The following ETNK1 variants were observed in gnomAD, a reference collection of about 807,000 sequenced individuals.
The protein encoded by ETNK1 is putative protein product of Nbla10396.
In ETNK1, 8 loss-of-function variants were observed where a neutral mutation model predicts 45.1. That is an observed-to-expected ratio of 0.18 (90% CI 0.10 to 0.32). ETNK1 has a LOEUF of 0.32. Among genes scored for constraint, ETNK1 ranks in the 10% least tolerant of loss-of-function variants. The probability of loss-of-function intolerance (pLI) is 1.00; values close to 1 mark genes in which losing one functional copy is unlikely to be tolerated. For synonymous variants in ETNK1, 152 were observed against 151.9 expected, an observed-to-expected ratio of 1.00 and a Z score of -0.01; for missense variants, 302 against 430.6, an observed-to-expected ratio of 0.70 and a Z score of 2.64.
At chr12:22,663,953 T>G (rs1424647474) in intron 4 of ETNK1, among the ~76,000 whole-genome samples, 1 of 151,982 alleles carries the variant, frequency 6.6e-6, no homozygotes, top group Non-Finnish European at 1.5e-5. Context: ...TGTGATTACT[T>G]CAAACATAAG....
chr12:22,626,295 A>G (rs1278277640), intron 1 of ETNK1: 1 of 153,380 alleles, frequency 6.5e-6, no homozygotes, highest in Non-Finnish European at 1.5e-5. Flanking sequence ...CTGAGACTCT[A>G]GGAGTTTTCT....
intron 2 of ETNK1, among the ~76,000 whole-genome samples, chr12:22,653,987 C>T (rs1430907336): frequency 6.6e-6 from 1 of 152,108 alleles, no homozygotes; most frequent in Non-Finnish European, 1.5e-5. Flanking sequence ...ATTTGTGTTC[C>T]CTCAAAAACC....
intron 2 of ETNK1, among the ~76,000 whole-genome samples, chr12:22,653,308 A>G (rs1033161506): frequency 1.4e-4 from 21 of 151,976 alleles, no homozygotes; most frequent in African/African-American, 4.8e-4. Context: ...TTCCAACTTT[A>G]CTCTTCTTTT....
chr12:22,662,061 C>G lies in ETNK1; in HGVS notation c.700+856C>G, dbSNP rs866079631. ...ATAGGAAACTAGTTCCCCGCACCCC[C>G]CCCCCCTTTTTTTTTCCTTTTTTGA... On this transcript the variant is annotated intron_variant, in intron 4 of 7. Coordinates refer to ENST00000266517, the MANE Select transcript of ETNK1 (RefSeq NM_018638.5). 3.2e-3 allele frequency among the ~76,000 whole-genome samples: 470 copies of G among 147,858 alleles called. 11 individuals are homozygous for G. Among genetic ancestry groups the G allele is most frequent in the African/African-American group, 0.011 (446 of 39,384 alleles).
chr12:22,666,114 G>A (rs1170176482), intron 4 of ETNK1, among the ~76,000 whole-genome samples: 1 of 152,124 alleles, frequency 6.6e-6, no homozygotes, highest in Admixed American at 6.6e-5. Context: ...CTCTCACCAT[G>A]TCAGTTGACA....
intron 6 of ETNK1, 88 bp downstream of exon 6, chr12:22,673,748 TTTAAG>T: frequency 7.6e-7 from 1 of 1,307,540 alleles, no homozygotes; most frequent in South Asian, 1.5e-5. Flanking sequence ...AATTTCCTAT[TTTAAG>T]TTTTGTGAAT....
chr12:22,645,232 C>T (rs1198461773), intron 2 of ETNK1, among the ~76,000 whole-genome samples: 1 of 151,668 alleles, frequency 6.6e-6, no homozygotes, highest in East Asian at 1.9e-4. Context: ...TTAATAGATG[C>T]ATAGATTGGA....
At position 22,625,196 on chromosome 12, in the gene ETNK1, C is replaced by G. The variant is rs760173780; in HGVS notation, c.-235C>G. The G allele has an allele frequency of 2.5e-6, 4 of 1,609,006 alleles. No homozygotes were observed. The East Asian group carries it at 6.7e-5, about 27-fold the overall frequency. On this transcript the variant is annotated 5_prime_UTR_variant, in exon 1 of 8. Transcript: ENST00000266517. ...GCGGCCGCCCGCGGTCCAGCTCCGACAACAGGAATTTTCTCCGAGAGCGGG... is the reference window on the plus strand; with the variant it reads ...GCGGCCGCCCGCGGTCCAGCTCCGAGAACAGGAATTTTCTCCGAGAGCGGG...
chr12:22,654,457 G>A (rs1471760843), intron 2 of ETNK1, among the ~76,000 whole-genome samples: 1 of 152,172 alleles, frequency 6.6e-6, no homozygotes, highest in Non-Finnish European at 1.5e-5. Flanking sequence ...ATTAGTACAT[G>A]AGATTATTAA....
At chr12:22,630,232 C>G (rs1953557382) in intron 1 of ETNK1, among the ~76,000 whole-genome samples, 1 of 152,170 alleles carries the variant, frequency 6.6e-6, no homozygotes, top group Non-Finnish European at 1.5e-5. Flanking sequence ...AATTACGCAT[C>G]GCATGTTTTG....
intron 4 of ETNK1, among the ~76,000 whole-genome samples, chr12:22,667,999 A>G (rs966853896): frequency 3.3e-5 from 5 of 152,216 alleles, no homozygotes; most frequent in African/African-American, 1.2e-4. Context: ...TTGTAGTTTT[A>G]TCCATTAATC....
intron 1 of ETNK1, among the ~76,000 whole-genome samples, chr12:22,640,185 A>G (rs1953716742): frequency 6.6e-6 from 1 of 152,282 alleles, no homozygotes. Context: ...CAAATTGAGA[A>G]TCCATTATTA....
At chr12:22,664,546 T>G (rs1156814303) in intron 4 of ETNK1, among the ~76,000 whole-genome samples, 1 of 152,102 alleles carries the variant, frequency 6.6e-6, no homozygotes, top group Non-Finnish European at 1.5e-5. Flanking sequence ...TTGGAACTGG[T>G]AGACATCACA....
chr12:22,644,365 T>C, intron 2 of ETNK1: 3 of 1,430,684 alleles, frequency 2.1e-6, no homozygotes, highest in Non-Finnish European at 2.8e-6. Context: ...ACTTAATTGT[T>C]CATGTTTTCA....
intron 1 of ETNK1, among the ~76,000 whole-genome samples, chr12:22,629,725 C>G (rs770983704): frequency 1.3e-5 from 2 of 151,896 alleles, no homozygotes; most frequent in Non-Finnish European, 2.9e-5. Flanking sequence ...TAGTAAGTTA[C>G]GGCTAATTTT....
intron 2 of ETNK1, among the ~76,000 whole-genome samples, chr12:22,646,914 G>A (rs1350208225): frequency 6.6e-6 from 1 of 151,696 alleles, no homozygotes; most frequent in Non-Finnish European, 1.5e-5. Context: ...GAACAGAAAA[G>A]GCTTTCAGAG....
chr12:22,662,599 T>A (rs767534812), intron 4 of ETNK1, among the ~76,000 whole-genome samples: 2 of 152,130 alleles, frequency 1.3e-5, no homozygotes, highest in Non-Finnish European at 1.5e-5. Context: ...AATCTTGCTC[T>A]GTTGCCCAGG....
chr12:22,632,752 T>C (rs1043073015), intron 1 of ETNK1, among the ~76,000 whole-genome samples: 2 of 152,218 alleles, frequency 1.3e-5, no homozygotes, highest in East Asian at 3.9e-4. Flanking sequence ...TCCTCTTGCC[T>C]CAGCCTCCCA....
In ETNK1 at chr12:22,627,887, TAAAAAG is replaced by T. The variant is rs529521535; in HGVS notation, c.156+2307_156+2312del. Among the ~76,000 whole-genome samples, 29 of 151,606 alleles carry T rather than the reference TAAAAAG, an allele frequency of 1.9e-4. No homozygotes were observed. The South Asian group carries it at 6.0e-3, about 32-fold the overall frequency. ...GAACTATCCAGAGCATATCAGAAAA[TAAAAAG>T]AAAAAAACAAGCTAAAAAAGACTTA... On this transcript the variant is annotated intron_variant, in intron 1 of 7. Transcript: ENST00000266517.
Sources: allele counts gnomAD v4.1 joint callset (sites outside exome capture counted in the v4.1 genomes callset), GRCh38; gene constraint gnomAD v4.1.1; transcripts MANE v1.5; gene names NCBI Gene and HGNC (gene_info 2026-07-23, HGNC 2026-07-21).